The following AKT3 variants were observed in gnomAD, a reference collection of about 807,000 sequenced individuals.
The protein encoded by AKT3 is RAC-gamma serine/threonine-protein kinase.
Under a neutral mutation model 65.3 loss-of-function variants are expected in AKT3, and 15 were observed. That is an observed-to-expected ratio of 0.23 (90% CI 0.15 to 0.35). The LOEUF (loss-of-function observed/expected upper bound fraction) is 0.35, where lower values mean the gene tolerates loss of function less well. AKT3 is among the 10% of genes least tolerant of loss of function. The probability of loss-of-function intolerance (pLI) is 1.00; values close to 1 mark genes in which losing one functional copy is unlikely to be tolerated. For synonymous variants in AKT3, 206 were observed against 183.8 expected (o/e 1.12, Z -0.98); for missense variants, 243 against 576.5 (o/e 0.42, Z 5.92).
chr1:243,580,402 C>A (rs1675249223), intron 8 of AKT3, among the ~76,000 whole-genome samples: 1 of 152,142 alleles, frequency 6.6e-6, no homozygotes, highest in African/African-American at 2.4e-5. Context: ...ACGGAAAAAG[C>A]TGAAGGCATT....
intron 4 of AKT3, among the ~76,000 whole-genome samples, chr1:243,651,001 C>G (rs1366569932): frequency 6.6e-6 from 1 of 152,094 alleles, no homozygotes; most frequent in Non-Finnish European, 1.5e-5. Flanking sequence ...GGCAGTATGA[C>G]CATTTTCTTG....
chr1:243,842,211 G>C (rs1370345443), intron 2 of AKT3, among the ~76,000 whole-genome samples: 1 of 152,106 alleles, frequency 6.6e-6, no homozygotes, highest in Non-Finnish European at 1.5e-5. Flanking sequence ...ATTTAACTAT[G>C]ACAACAGCTT....
At chr1:243,616,323 A>AAC (rs1401717972) in intron 6 of AKT3, among the ~76,000 whole-genome samples, 2 of 150,260 alleles carry the variant, frequency 1.3e-5, no homozygotes, top group Non-Finnish European at 3.0e-5. Flanking sequence ...AAAAAAAAAA[A>AAC]AAAAAAAAAG....
intron 12 of AKT3, among the ~76,000 whole-genome samples, chr1:243,514,280 A>G (rs1405768609): frequency 6.6e-6 from 1 of 152,250 alleles, no homozygotes; most frequent in Non-Finnish European, 1.5e-5. Context: ...TTTGCCTTCA[A>G]GTTAGGGGAA....
chr1:243,583,562 A>G (rs867119092), intron 8 of AKT3, among the ~76,000 whole-genome samples: 32 of 114,846 alleles, frequency 2.8e-4, no homozygotes, highest in Admixed American at 5.6e-4. Context: ...AAAAAGAAAA[A>G]AAAAAGAAAA....
At chr1:243,628,670 T>C (rs1679369726) in intron 6 of AKT3, among the ~76,000 whole-genome samples, 1 of 152,204 alleles carries the variant, frequency 6.6e-6, no homozygotes, top group African/African-American at 2.4e-5. Flanking sequence ...TGCCACATCC[T>C]ACTGTTCAAA....
intron 2 of AKT3, chr1:243,740,817 G>A (rs777866485): frequency 5.3e-5 from 8 of 152,106 alleles, no homozygotes; most frequent in Non-Finnish European, 8.8e-5. Context: ...TAGTAGGTAC[G>A]TTCTGGCCTC....
chr1:243,732,999 T>A (rs1431305206), intron 2 of AKT3, among the ~76,000 whole-genome samples: 7 of 152,244 alleles, frequency 4.6e-5, no homozygotes, highest in Non-Finnish European at 7.3e-5. Context: ...GTAAGCATTA[T>A]GCACAAACTG....
At chr1:243,603,794 T>C (rs1366500263) in intron 8 of AKT3, among the ~76,000 whole-genome samples, 1 of 152,148 alleles carries the variant, frequency 6.6e-6, no homozygotes, top group Non-Finnish European at 1.5e-5. Context: ...CAGGAAATCA[T>C]ATGATACTTC....
At chr1:243,790,107 A>G (rs1370643271) in intron 2 of AKT3, among the ~76,000 whole-genome samples, 1 of 152,220 alleles carries the variant, frequency 6.6e-6, no homozygotes, top group Non-Finnish European at 1.5e-5. Flanking sequence ...ACTTCAACTT[A>G]AAGTCACCAG....
At chr1:243,645,790 T>C in intron 5 of AKT3, 103 bp downstream of exon 5, 1 of 1,165,042 alleles carries the variant, frequency 8.6e-7, no homozygotes, top group Non-Finnish European at 1.2e-6. Context: ...TATATTTACA[T>C]ATCGTAAGAA....
rs781391076 is a variant in AKT3 at position 243,505,172 on chromosome 1, G to A, written c.*77C>T. The A allele has an allele frequency of 2.0e-5, 28 of 1,385,474 alleles. No homozygotes were observed. Among genetic ancestry groups the A allele is most frequent in the Non-Finnish European group, 2.7e-5 (26 of 980,864 alleles). 85.8% of individuals were successfully genotyped at this position (1,385,474 alleles called of 1,614,324 possible). On this transcript the variant is annotated 3_prime_UTR_variant, in exon 14 of 14. Coordinates refer to ENST00000673466, the MANE Select transcript of AKT3 (RefSeq NM_005465.7). ...GAAGGTGCCCCTGCTATGTGTAAGA[G>A]CTAGGACTGGTGATGTCCAGGAATC...
chr1:243,610,836 C>G (rs1677818605), intron 8 of AKT3, among the ~76,000 whole-genome samples: 1 of 152,178 alleles, frequency 6.6e-6, no homozygotes, highest in Non-Finnish European at 1.5e-5. Flanking sequence ...TACTCGTCTG[C>G]ACCTAGTTTT....
At chr1:243,491,778 G>A (rs554367873) in intron 13 of AKT3, among the ~76,000 whole-genome samples, 2 of 152,222 alleles carry the variant, frequency 1.3e-5, no homozygotes, top group African/African-American at 4.8e-5. Context: ...CACCCTCTCT[G>A]TTTTCCTGGA....
intron 2 of AKT3, among the ~76,000 whole-genome samples, chr1:243,799,398 A>T (rs757465204): frequency 1.2e-4 from 19 of 152,216 alleles, no homozygotes; most frequent in Admixed American, 9.8e-4. Context: ...TTAAATTCTG[A>T]GAACTGCACA....
chr1:243,850,998 C>G (rs1695764534), upstream of AKT3: 1 of 152,172 alleles, frequency 6.6e-6, no homozygotes, highest in Non-Finnish European at 1.5e-5. Context: ...GGCGTCTCCT[C>G]CAGTCCGCCG....
At chr1:243,702,833 C>A (rs1317049004) in intron 2 of AKT3, 2 of 151,902 alleles carry the variant, frequency 1.3e-5, no homozygotes, top group African/African-American at 4.8e-5. Context: ...AACTAGTCTT[C>A]CAAAGAAAAG....
In AKT3 at chr1:243,615,138, A is replaced by G; in HGVS notation, c.585T>C (p.Thr195=). 6.2e-7 allele frequency: 1 copy of G among 1,609,586 alleles called. No homozygotes were observed. The highest frequency in any genetic ancestry group is 8.5e-7 in the Non-Finnish European group (1 of 1,177,508). The change falls in exon 7 of 14, where the codon ACT becomes ACC. Residue 195 remains threonine, a synonymous_variant. Transcript: ENST00000673466. ...IAKDEVAHTL[T]ESRVLKNTRH... ...TAGTGTTCTTTAATACTCTGCTTTCAGTTAGAGTGTGTGCCACTTCATCCT... is the reference window on the plus strand; with the variant it reads ...TAGTGTTCTTTAATACTCTGCTTTCGGTTAGAGTGTGTGCCACTTCATCCT...
At chr1:243,530,139 T>C (rs915193432) in intron 12 of AKT3, among the ~76,000 whole-genome samples, 5 of 152,204 alleles carry the variant, frequency 3.3e-5, no homozygotes, top group Admixed American at 6.5e-5. Context: ...TTTTTGTACA[T>C]TGATTTTGTA....
Sources: allele counts gnomAD v4.1 joint callset (sites outside exome capture counted in the v4.1 genomes callset), GRCh38; gene constraint gnomAD v4.1.1; transcripts MANE v1.5; gene names NCBI Gene and HGNC (gene_info 2026-07-23, HGNC 2026-07-21).